ARID2: variants seen among roughly 807,000 people sequenced by gnomAD.
The protein encoded by ARID2 is AT-rich interaction domain 2.
Under a neutral mutation model 184.6 loss-of-function variants are expected in ARID2, and 32 were observed. The ratio of observed to expected loss-of-function variants is 0.17; its 90% CI spans 0.13 to 0.23. The LOEUF (loss-of-function observed/expected upper bound fraction) is 0.23. Ranked by LOEUF, ARID2 falls within the 10% of genes least tolerant of loss-of-function variation. ARID2 has a pLI of 1.00. For missense variants in ARID2, 1,696 were observed against 2,197.6 expected (o/e 0.77, Z 4.56); for synonymous variants, 836 against 772.6 (o/e 1.08, Z -1.36).
intron 3 of ARID2, among the ~76,000 whole-genome samples, chr12:45,797,090 A>T (rs920395630): frequency 6.6e-6 from 1 of 152,142 alleles, no homozygotes; most frequent in Non-Finnish European, 1.5e-5. Context: ...CATTTTAAAA[A>T]TTATAATATC....
chr12:45,904,998 A>G lies in ARID2; in HGVS notation c.5428A>G (p.Thr1810Ala). ...LAISNMEASS[T>A]LAKCLYELNF... Reference sequence around the variant, plus strand: ...CATTAGTAACATGGAAGCTTCCTCCACCCTTGCCAAATGCCTTTATGAACT... The same window carrying G: ...CATTAGTAACATGGAAGCTTCCTCCGCCCTTGCCAAATGCCTTTATGAACT... The change falls in exon 21 of 21, where the codon ACC (threonine) becomes GCC (alanine). Residue 1810 changes from threonine (T) to alanine (A), a missense_variant. By Grantham distance (58) the Thr-to-Ala change is moderately conservative. Around this residue, in one of 11 missense-constraint regions of ARID2, gnomAD observed 69 missense variants for 118.2 expected, o/e 0.58. Coordinates refer to ENST00000334344, the MANE Select transcript of ARID2 (RefSeq NM_152641.4). The G allele has an allele frequency of 6.2e-7, 1 of 1,613,970 alleles. No homozygotes were observed. Among genetic ancestry groups the G allele is most frequent in the Non-Finnish European group, 8.5e-7 (1 of 1,179,946 alleles).
chr12:45,873,598 A>G (rs1322259863), intron 16 of ARID2, among the ~76,000 whole-genome samples: 3 of 152,236 alleles, frequency 2.0e-5, no homozygotes, highest in Non-Finnish European at 4.4e-5. Context: ...GAGATATTGC[A>G]TGTTTGGTTC....
At chr12:45,847,473 T>G (rs1366927194) in intron 12 of ARID2, among the ~76,000 whole-genome samples, 4 of 152,074 alleles carry the variant, frequency 2.6e-5, no homozygotes, top group African/African-American at 9.7e-5. Context: ...CTTGAAAAGA[T>G]TGTGTAGTCC....
At chr12:45,750,579 GC>G (rs1941444988) in intron 3 of ARID2, among the ~76,000 whole-genome samples, 1 of 152,140 alleles carries the variant, frequency 6.6e-6, no homozygotes, top group African/African-American at 2.4e-5. Context: ...AATGAAGTAT[GC>G]CTGTATTGAC....
At chr12:45,741,148 C>T (rs1941246231) in intron 3 of ARID2, among the ~76,000 whole-genome samples, 1 of 152,110 alleles carries the variant, frequency 6.6e-6, no homozygotes, top group Non-Finnish European at 1.5e-5. Context: ...TAATATGATA[C>T]AAGCATTTTA....
chr12:45,895,119 C>G (rs1944353177), intron 20 of ARID2, among the ~76,000 whole-genome samples: 1 of 152,188 alleles, frequency 6.6e-6, no homozygotes, highest in African/African-American at 2.4e-5. Context: ...ACATGTCTGT[C>G]TTAAAACTTT....
chr12:45,834,517 C>T (rs1325173491), intron 6 of ARID2, among the ~76,000 whole-genome samples: 1 of 152,084 alleles, frequency 6.6e-6, no homozygotes, highest in East Asian at 1.9e-4. Flanking sequence ...CCGAGATGGG[C>T]GGATCACCTG....
chr12:45,822,814 G>A lies in ARID2; in HGVS notation c.705+1327G>A, dbSNP rs187590762. Among the ~76,000 whole-genome samples the A allele has an allele frequency of 6.6e-4, 100 of 152,138 alleles. 1 individual carries two copies. Among genetic ancestry groups the A allele is most frequent in the Non-Finnish European group, 1.2e-3 (83 of 67,960 alleles). ...ATCATATATGCACTCAACACTGGAGGCCCCAGATGTATAAAGCAAATATTA... is the reference window on the plus strand; with the variant it reads ...ATCATATATGCACTCAACACTGGAGACCCCAGATGTATAAAGCAAATATTA... On this transcript the variant is annotated intron_variant, in intron 6 of 20. Coordinates refer to ENST00000334344, the MANE Select transcript of ARID2 (RefSeq NM_152641.4).
rs2136463234 is a variant in ARID2 at position 45,893,721 on chromosome 12, G to A, written c.5363G>A (p.Arg1788Lys). 1 of 1,579,666 alleles carries A rather than the reference G, an allele frequency of 6.3e-7. No individual in the cohort carries two copies. Among genetic ancestry groups the A allele is most frequent in the Non-Finnish European group, 8.6e-7 (1 of 1,167,826 alleles). Residue 1788 changes from arginine (R) to lysine (K), a missense_variant and splice_region_variant, in exon 20 of 21, where the codon AGA (arginine) becomes AAA (lysine). Physicochemically the swap from Arg to Lys is conservative, Grantham distance 26 (BLOSUM62 2). This residue lies in a region of ARID2 where 69 missense variants were observed against 118.2 expected (regional missense o/e 0.58). Transcript: ENST00000334344. Reference sequence around the variant, plus strand: ...GGTAAATATTCAGAATGTGGTCGCAGGTGAGTAATATGTTTTCTGTAGCCA... The same window carrying A: ...GGTAAATATTCAGAATGTGGTCGCAAGTGAGTAATATGTTTTCTGTAGCCA... ...NIGKYSECGR[R>K]LLKRHENNLS...
chr12:45,898,185 A>G (rs1944394881), intron 20 of ARID2, among the ~76,000 whole-genome samples: 1 of 152,200 alleles, frequency 6.6e-6, no homozygotes, highest in African/African-American at 2.4e-5. Flanking sequence ...ACACAAAAGG[A>G]CAAATATATG....
At chr12:45,847,573 C>T (rs1943465869) in intron 12 of ARID2, among the ~76,000 whole-genome samples, 2 of 151,980 alleles carry the variant, frequency 1.3e-5, no homozygotes, top group East Asian at 1.9e-4. Context: ...GTATGAAGTT[C>T]GGCTTAAATT....
chr12:45,814,734 C>A (rs148950895), intron 4 of ARID2, among the ~76,000 whole-genome samples: 23 of 152,306 alleles, frequency 1.5e-4, no homozygotes, highest in African/African-American at 5.3e-4. Context: ...AAAGGAGGAT[C>A]TTAAAATTTT....
intron 3 of ARID2, among the ~76,000 whole-genome samples, chr12:45,805,895 C>A (rs961441095): frequency 3.3e-5 from 5 of 152,150 alleles, no homozygotes; most frequent in Admixed American, 2.6e-4. Flanking sequence ...TACCCATTGA[C>A]CAGCATCTCC....
chr12:45,862,027 C>A (rs1341961426), intron 16 of ARID2, among the ~76,000 whole-genome samples: 1 of 152,102 alleles, frequency 6.6e-6, no homozygotes, highest in Non-Finnish European at 1.5e-5. Context: ...TTATTGTAAA[C>A]TTCATATACA....
In ARID2 at chr12:45,824,491, A is replaced by G. The variant is rs181272871; in HGVS notation, c.705+3004A>G. Among the ~76,000 whole-genome samples, 457 of 152,206 alleles carry G rather than the reference A, an allele frequency of 3.0e-3. 6 individuals are homozygous for G. Among genetic ancestry groups the G allele is most frequent in the Admixed American group, 7.7e-3 (117 of 15,276 alleles). Reference sequence around the variant, plus strand: ...TTGCAGGATACATTTCTTAAAAAAAAGACTTACAAATGGCCAAAATATATA... The same window carrying G: ...TTGCAGGATACATTTCTTAAAAAAAGGACTTACAAATGGCCAAAATATATA... On this transcript the variant is annotated intron_variant, in intron 6 of 20. Coordinates refer to ENST00000334344, the MANE Select transcript of ARID2 (RefSeq NM_152641.4).
intron 3 of ARID2, among the ~76,000 whole-genome samples, chr12:45,765,512 C>CA (rs1470423648): frequency 7.4e-5 from 11 of 147,952 alleles, no homozygotes; most frequent in African/African-American, 2.5e-4. Context: ...AACCTGGCCT[C>CA]GGTTTTTTTT....
chr12:45,812,818 CTGTG>C (rs1190467910), intron 4 of ARID2, among the ~76,000 whole-genome samples: 1 of 152,190 alleles, frequency 6.6e-6, no homozygotes, highest in Admixed American at 6.5e-5. Context: ...ACTTACAACT[CTGTG>C]TGATCCCTGT....
intron 3 of ARID2, among the ~76,000 whole-genome samples, chr12:45,743,757 G>A (rs1326420484): frequency 6.6e-6 from 1 of 152,166 alleles, no homozygotes; most frequent in Non-Finnish European, 1.5e-5. Flanking sequence ...AAGAGCAATG[G>A]AAGTCTTTCC....
rs1943532614 is a variant in ARID2 at position 45,850,716 on chromosome 12, A to T, written c.2593A>T (p.Thr865Ser). The T allele has an allele frequency of 6.2e-7, 1 of 1,613,934 alleles. No individual in the cohort carries two copies. The highest frequency in any genetic ancestry group is 8.5e-7 in the Non-Finnish European group (1 of 1,179,970). The stretch of plus-strand genomic sequence containing the variant: ...TTCTGCATCCAATATTGTCTCAGCA[A>T]CTTCAGTACAGAATTTTCAGGTAGC... ...TTSASNIVSATSVQNFQVATG... is the reference protein window; with the variant it reads ...TTSASNIVSASSVQNFQVATG... Residue 865 changes from threonine to serine, a missense_variant, in exon 15 of 21, where the codon ACT (threonine) becomes TCT (serine). Physicochemically the swap from Thr to Ser is moderately conservative, Grantham distance 58. Around this residue, in one of 11 missense-constraint regions of ARID2, gnomAD observed 713 missense variants for 824.4 expected, o/e 0.86. Transcript: ENST00000334344.
Sources: allele counts gnomAD v4.1 joint callset (sites outside exome capture counted in the v4.1 genomes callset), GRCh38; gene constraint gnomAD v4.1.1; regional missense constraint gnomAD v4.1.1; transcripts MANE v1.5; gene names NCBI Gene and HGNC (gene_info 2026-07-23, HGNC 2026-07-21).